Variants in RBFOX1 observed in about 807,000 individuals in gnomAD.
The protein encoded by RBFOX1 is RNA binding fox-1 homolog 1.
RBFOX1 carries 8 observed loss-of-function variants against 57.7 expected under a neutral mutation model. The ratio of observed to expected loss-of-function variants is 0.14; its 90% CI spans 0.08 to 0.25. The LOEUF (loss-of-function observed/expected upper bound fraction) is 0.25. Among genes scored for constraint, RBFOX1 ranks in the 10% least tolerant of loss-of-function variants. The pLI is 1.00. For missense variants in RBFOX1, 611 were observed against 548.5 expected (o/e 1.11, Z -1.14); for synonymous variants, 326 against 222.4 (o/e 1.47, Z -4.15).
intron 3 of RBFOX1, among the ~76,000 whole-genome samples, chr16:5,752,213 C>G (rs1033994578): frequency 2.6e-5 from 4 of 152,142 alleles, no homozygotes; most frequent in Admixed American, 1.3e-4. Flanking sequence ...GAAGTGGTAG[C>G]TGAATGATGA....
chr16:7,359,119 A>C (rs1035678140), intron 4 of RBFOX1, among the ~76,000 whole-genome samples: 3 of 152,140 alleles, frequency 2.0e-5, no homozygotes, highest in African/African-American at 7.2e-5. Flanking sequence ...TGAGTTAAAC[A>C]TGTTGGCTTT....
At chr16:5,690,124 C>G (rs1248636062) in intron 3 of RBFOX1, among the ~76,000 whole-genome samples, 1 of 152,326 alleles carries the variant, frequency 6.6e-6, no homozygotes, top group Non-Finnish European at 1.5e-5. Context: ...GGTTAAGACG[C>G]CCCGGTTGGT....
intron 1 of RBFOX1, among the ~76,000 whole-genome samples, chr16:6,173,296 A>C (rs147818310): frequency 5.3e-5 from 8 of 152,294 alleles, no homozygotes; most frequent in African/African-American, 1.9e-4. Flanking sequence ...ACAGATCTCA[A>C]ATATTTGCCA....
intron 3 of RBFOX1, among the ~76,000 whole-genome samples, chr16:6,675,763 T>C (rs1326392690): frequency 6.6e-6 from 1 of 152,154 alleles, no homozygotes; most frequent in Non-Finnish European, 1.5e-5. Flanking sequence ...TTGTGAGATT[T>C]ACTCACTACC....
chr16:5,594,039 C>G (rs2047100301), intron 2 of RBFOX1, among the ~76,000 whole-genome samples: 1 of 151,966 alleles, frequency 6.6e-6, no homozygotes. Context: ...TCAGCCATGG[C>G]CTTGGCTTGG....
At chr16:6,234,961 G>A (rs1456005589) in intron 1 of RBFOX1, among the ~76,000 whole-genome samples, 1 of 152,162 alleles carries the variant, frequency 6.6e-6, no homozygotes, top group Non-Finnish European at 1.5e-5. Context: ...ATTGTGCATA[G>A]GAGGACTCTG....
At chr16:7,106,489 C>G (rs1172953413) in intron 4 of RBFOX1, among the ~76,000 whole-genome samples, 4 of 152,062 alleles carry the variant, frequency 2.6e-5, no homozygotes, top group Non-Finnish European at 5.9e-5. Flanking sequence ...CTTTGGGATT[C>G]CTTTATAATT....
intron 2 of RBFOX1, among the ~76,000 whole-genome samples, chr16:6,518,793 G>GTCTATCTA (rs1163846016): frequency 2.0e-4 from 18 of 90,240 alleles, no homozygotes; most frequent in African/African-American, 3.8e-4. Context: ...CTGTCTGTGT[G>GTCTATCTA]TCTGTCTATC....
At chr16:6,520,205 T>C (rs1461535251) in intron 2 of RBFOX1, among the ~76,000 whole-genome samples, 1 of 152,168 alleles carries the variant, frequency 6.6e-6, no homozygotes, top group Non-Finnish European at 1.5e-5. Flanking sequence ...AAAGTTATGA[T>C]GGTATGTGCT....
chr16:7,113,871 C>T (rs1244000396), intron 4 of RBFOX1, among the ~76,000 whole-genome samples: 1 of 152,112 alleles, frequency 6.6e-6, no homozygotes, highest in African/African-American at 2.4e-5. Context: ...CACAATGGCA[C>T]TCTCGGGTCA....
intron 4 of RBFOX1, among the ~76,000 whole-genome samples, chr16:7,212,097 G>A (rs11642675): frequency 0.2 from 30,699 of 152,100 alleles, 3,705 homozygotes; most frequent in Non-Finnish European, 0.28. Context: ...ATGATCAGCG[G>A]TCAAAAGAGA....
At chr16:5,611,934 T>C (rs1252094401) in intron 3 of RBFOX1, among the ~76,000 whole-genome samples, 1 of 151,694 alleles carries the variant, frequency 6.6e-6, no homozygotes, top group African/African-American at 2.4e-5. Context: ...TAGACAAGCC[T>C]GGGCAACACA....
At chr16:6,863,574 A>G (rs550853483) in intron 3 of RBFOX1, among the ~76,000 whole-genome samples, 1 of 150,980 alleles carries the variant, frequency 6.6e-6, no homozygotes, top group South Asian at 2.1e-4. Flanking sequence ...AACATTAAAG[A>G]TGTGATCTGT....
At chr16:7,067,678 CTCCCCCG>C (rs2056411969) in intron 4 of RBFOX1, among the ~76,000 whole-genome samples, 1 of 122,934 alleles carries the variant, frequency 8.1e-6, no homozygotes, top group African/African-American at 3.0e-5. Context: ...AAAGCTATCC[CTCCCCCG>C]TCCCCCCACC....
intron 4 of RBFOX1, among the ~76,000 whole-genome samples, chr16:7,193,654 G>A (rs1008907918): frequency 3.9e-5 from 6 of 152,216 alleles, no homozygotes; most frequent in African/African-American, 1.2e-4. Flanking sequence ...TACTGCAACA[G>A]TGTGATGTTA....
At chr16:7,311,731 C>A (rs530898206) in intron 4 of RBFOX1, among the ~76,000 whole-genome samples, 1 of 152,112 alleles carries the variant, frequency 6.6e-6, no homozygotes, top group Non-Finnish European at 1.5e-5. Flanking sequence ...TCTCAAGTGT[C>A]TCACAAAATT....
chr16:7,091,548 G>A (rs989348407), intron 4 of RBFOX1, among the ~76,000 whole-genome samples: 1 of 151,654 alleles, frequency 6.6e-6, no homozygotes, highest in African/African-American at 2.4e-5. Flanking sequence ...AGAAGAAAAC[G>A]AAAATGCATC....
At chr16:7,322,876 T>G (rs183958210) in intron 4 of RBFOX1, among the ~76,000 whole-genome samples, 11 of 152,316 alleles carry the variant, frequency 7.2e-5, no homozygotes, top group Non-Finnish European at 1.5e-4. Context: ...GGTTATTCTT[T>G]CCTGGTGTTC....
At chr16:6,508,755 A>G (rs1324776585) in intron 2 of RBFOX1, among the ~76,000 whole-genome samples, 1 of 152,254 alleles carries the variant, frequency 6.6e-6, no homozygotes, top group East Asian at 1.9e-4. Context: ...ATTACTTGCC[A>G]TATTTAAGGC....
Sources: gnomAD v4.1 joint callset for allele counts (sites outside exome capture counted in the v4.1 genomes callset) on GRCh38, gnomAD v4.1.1 for gene constraint, MANE v1.5 for transcripts, NCBI Gene and HGNC (gene_info 2026-07-23, HGNC 2026-07-21) for gene names.